Variants in FSIP1 observed in about 807,000 individuals in gnomAD.
The protein encoded by FSIP1 is fibrous sheath interacting protein 1.
In FSIP1, 65 loss-of-function variants were observed where a neutral mutation model predicts 60.9. The ratio of observed to expected loss-of-function variants is 1.07; its 90% CI spans 0.87 to 1.31. FSIP1 has a LOEUF of 1.31. Ranked by LOEUF, FSIP1 falls within the 40% of genes most tolerant of loss-of-function variation. The pLI, the probability that FSIP1 is intolerant of heterozygous loss-of-function variation, is 0.00. For synonymous variants in FSIP1, 209 were observed against 221.2 expected, an observed-to-expected ratio of 0.94 and a Z score of 0.49; for missense variants, 675 against 665.5, an observed-to-expected ratio of 1.01 and a Z score of -0.16.
At chr15:39,620,775 T>TA (rs1891413188) in intron 10 of FSIP1, among the ~76,000 whole-genome samples, 1 of 147,834 alleles carries the variant, frequency 6.8e-6, no homozygotes, top group African/African-American at 2.5e-5. Flanking sequence ...TATATATATA[T>TA]TTATATTTTT....
intron 10 of FSIP1, among the ~76,000 whole-genome samples, chr15:39,654,547 T>A (rs1892998849): frequency 6.6e-6 from 1 of 152,240 alleles, no homozygotes. Context: ...ATAGAAAAAC[T>A]GCTAGAGCTC....
At chr15:39,618,368 A>AGG in intron 10 of FSIP1, 123 bp from the exon 11 acceptor site, 1 of 734,566 alleles carries the variant, frequency 1.4e-6, no homozygotes, top group South Asian at 2.1e-5. Flanking sequence ...TAAAAATAGA[A>AGG]AAATAATTCA....
chr15:39,686,999 G>A (rs1403644478), intron 10 of FSIP1, among the ~76,000 whole-genome samples: 1 of 152,066 alleles, frequency 6.6e-6, no homozygotes, highest in African/African-American at 2.4e-5. Flanking sequence ...TTTTAAATGT[G>A]AGGTTTCTCC....
At chr15:39,729,631 A>C (rs1313455365) in intron 8 of FSIP1, among the ~76,000 whole-genome samples, 1 of 152,130 alleles carries the variant, frequency 6.6e-6, no homozygotes, top group African/African-American at 2.4e-5. Flanking sequence ...CTAGTCACAA[A>C]AATCAACCTA....
At chr15:39,760,901 C>T (rs1401752778) in intron 5 of FSIP1, among the ~76,000 whole-genome samples, 3 of 151,920 alleles carry the variant, frequency 2.0e-5, no homozygotes, top group African/African-American at 7.3e-5. Flanking sequence ...TGCAAGTTTT[C>T]CATAAATTTA....
At chr15:39,635,909 G>A (rs764596573) in intron 10 of FSIP1, among the ~76,000 whole-genome samples, 3 of 152,074 alleles carry the variant, frequency 2.0e-5, no homozygotes, top group Non-Finnish European at 4.4e-5. Context: ...AGCATCAGAG[G>A]TCTACAGAGA....
intron 11 of FSIP1, among the ~76,000 whole-genome samples, chr15:39,611,990 C>G (rs1891054737): frequency 6.6e-6 from 1 of 152,024 alleles, no homozygotes; most frequent in Non-Finnish European, 1.5e-5. Context: ...TATACACACC[C>G]AACACTGGAA....
chr15:39,674,149 G>A (rs1488775364), intron 10 of FSIP1, among the ~76,000 whole-genome samples: 1 of 151,596 alleles, frequency 6.6e-6, no homozygotes, highest in Non-Finnish European at 1.5e-5. Flanking sequence ...CCGCCTCCCG[G>A]GTTCATGCCA....
At chr15:39,744,266 A>T (rs1896908636) in intron 5 of FSIP1, among the ~76,000 whole-genome samples, 1 of 152,236 alleles carries the variant, frequency 6.6e-6, no homozygotes, top group African/African-American at 2.4e-5. Context: ...TCCTCTCTTC[A>T]CTACAAACAT....
At chr15:39,628,155 G>C (rs16969429) in intron 10 of FSIP1, among the ~76,000 whole-genome samples, 27,566 of 152,082 alleles carry the variant, frequency 0.18, 3,046 homozygotes, top group East Asian at 0.32. Context: ...TATCTGGGAC[G>C]AGAGCAGCAG....
intron 8 of FSIP1, among the ~76,000 whole-genome samples, chr15:39,729,979 GC>G (rs1441043059): frequency 1.3e-5 from 2 of 152,136 alleles, no homozygotes; most frequent in East Asian, 3.9e-4. Context: ...GTACACCAAA[GC>G]CCTGTGACAT....
At chr15:39,689,652 G>A (rs1474248969) in intron 10 of FSIP1, among the ~76,000 whole-genome samples, 2 of 152,108 alleles carry the variant, frequency 1.3e-5, no homozygotes, top group Admixed American at 6.5e-5. Context: ...AAAGGTTTTA[G>A]GAATTCTGTG....
intron 10 of FSIP1, among the ~76,000 whole-genome samples, chr15:39,640,792 G>T (rs535225844): frequency 6.6e-6 from 1 of 152,136 alleles, no homozygotes; most frequent in East Asian, 1.9e-4. Context: ...CTGCCGGTTG[G>T]TTACAGGTCA....
intron 10 of FSIP1, among the ~76,000 whole-genome samples, chr15:39,707,158 C>T (rs1895306425): frequency 6.6e-6 from 1 of 152,160 alleles, no homozygotes; most frequent in Non-Finnish European, 1.5e-5. Flanking sequence ...CTTGCCTCAA[C>T]TCATCAACCC....
intron 8 of FSIP1, among the ~76,000 whole-genome samples, chr15:39,731,454 G>A (rs1386419149): frequency 2.6e-5 from 4 of 152,098 alleles, no homozygotes; most frequent in East Asian, 1.9e-4. Flanking sequence ...CTATGAAATC[G>A]ATGATGAAAT....
intron 7 of FSIP1, 151 bp downstream of exon 7, chr15:39,739,514 C>T (rs8033687): frequency 0.7 from 460,278 of 659,060 alleles, 163,094 homozygotes; most frequent in African/African-American, 0.93. Flanking sequence ...AGTACTGGTT[C>T]ATAAAAGTTT....
At chr15:39,663,180 G>A (rs1452326234) in intron 10 of FSIP1, among the ~76,000 whole-genome samples, 13 of 151,932 alleles carry the variant, frequency 8.6e-5, no homozygotes, top group Non-Finnish European at 1.6e-4. Flanking sequence ...CCATATAATA[G>A]TGACAAAATT....
In FSIP1 at chr15:39,731,079, C is replaced by T. The variant is rs535068990; in HGVS notation, c.892-4332G>A. On this transcript the variant is annotated intron_variant, in intron 8 of 11. Coordinates refer to ENST00000350221, the MANE Select transcript of FSIP1 (RefSeq NM_152597.5). The stretch of plus-strand genomic sequence containing the variant: ...TATTGTCACACTATTTATAATAAAA[C>T]GTCTAAAAATAGGGGGAAAGTGGGT... Among the ~76,000 whole-genome samples, 56 of 152,104 alleles carry T rather than the reference C, an allele frequency of 3.7e-4. No individual in the cohort carries two copies. In the South Asian group the frequency reaches 0.01, roughly 28 times the overall value.
intron 8 of FSIP1, among the ~76,000 whole-genome samples, chr15:39,734,345 C>T (rs967563893): frequency 1.1e-4 from 16 of 152,126 alleles, no homozygotes; most frequent in Admixed American, 2.0e-4. Flanking sequence ...ATAAATAATT[C>T]GTTGAGTCCA....
Sources: gnomAD v4.1 joint callset for allele counts (sites outside exome capture counted in the v4.1 genomes callset) on GRCh38, gnomAD v4.1.1 for gene constraint, MANE v1.5 for transcripts, NCBI Gene and HGNC (gene_info 2026-07-23, HGNC 2026-07-21) for gene names.